NMI: variants seen among roughly 807,000 people sequenced by gnomAD.
NMI encodes the protein N-myc-interactor.
NMI carries 39 observed loss-of-function variants against 34.3 expected under a neutral mutation model. The observed-to-expected ratio is 1.14, with a 90% CI of 0.88 to 1.49. The LOEUF (loss-of-function observed/expected upper bound fraction) is 1.49, where lower values mean the gene tolerates loss of function less well. NMI is among the 40% of genes most tolerant of loss of function. NMI has a pLI of 0.00. For missense variants in NMI, 339 were observed against 358.1 expected (o/e 0.95, Z 0.43); for synonymous variants, 113 against 120.3 (o/e 0.94, Z 0.40).
rs1248713024 is a variant in NMI at position 151,275,781 on chromosome 2, A to G, written c.424T>C (p.Leu142=). The change falls in exon 5 of 8, where the codon TTA becomes CTA. Residue 142 remains leucine, a synonymous_variant. Transcript: ENST00000243346. ...NLEVTAKPVP[L]NSGVRFQVYV... is the part of the protein sequence containing the mutation. ...ACCTGGAATCTGACTCCTGAATTTA[A>G]TGGAACTGGCTTGGCCGTAACCTCC... 1.3e-5 allele frequency: 21 copies of G among 1,613,528 alleles called. No homozygotes were observed. Among genetic ancestry groups the G allele is most frequent in the Non-Finnish European group, 1.7e-5 (20 of 1,179,670 alleles).
At chr2:151,286,806 A>G (rs1481315018) in intron 1 of NMI, among the ~76,000 whole-genome samples, 9 of 152,088 alleles carry the variant, frequency 5.9e-5, no homozygotes, top group Admixed American at 5.9e-4. Flanking sequence ...ACCCCCTATA[A>G]TCATCCACAC....
intron 1 of NMI, among the ~76,000 whole-genome samples, chr2:151,287,664 C>T (rs1573750046): frequency 6.6e-6 from 1 of 152,148 alleles, no homozygotes; most frequent in Non-Finnish European, 1.5e-5. Context: ...TGTTACTCCC[C>T]CTCCTTTATC....
At chr2:151,275,693 G>A in intron 5 of NMI, 23 bp from the exon 6 acceptor site, 4 of 1,612,146 alleles carry the variant, frequency 2.5e-6, no homozygotes, top group Non-Finnish European at 3.4e-6. Flanking sequence ...TTGATGTTCA[G>A]AAATATGGAT....
At chr2:151,287,907 A>G (rs1266611844) in intron 1 of NMI, among the ~76,000 whole-genome samples, 1 of 152,242 alleles carries the variant, frequency 6.6e-6, no homozygotes, top group African/African-American at 2.4e-5. Flanking sequence ...ATTACATTTC[A>G]GAAGACAGAA....
At chr2:151,285,122 A>G (rs1332762060) in intron 1 of NMI, among the ~76,000 whole-genome samples, 1 of 152,210 alleles carries the variant, frequency 6.6e-6, no homozygotes, top group Non-Finnish European at 1.5e-5. Context: ...CACATACAAT[A>G]TGATGGGAGT....
At chr2:151,279,334 AAT>A (rs1683345744) in intron 3 of NMI, among the ~76,000 whole-genome samples, 1 of 152,228 alleles carries the variant, frequency 6.6e-6, no homozygotes, top group African/African-American at 2.4e-5. Context: ...AAGTGCCAAT[AAT>A]AGACTATCTC....
chr2:151,280,866 G>A (rs543973683), intron 3 of NMI, among the ~76,000 whole-genome samples: 21 of 149,622 alleles, frequency 1.4e-4, no homozygotes, highest in East Asian at 9.8e-4. Flanking sequence ...TTTTTTAGGC[G>A]GCGCCTCGCT....
chr2:151,270,873 T>C lies in NMI; in HGVS notation c.744A>G (p.Ile248Met). The change falls in exon 8 of 8, where the codon ATA becomes ATG. Residue 248 changes from isoleucine (I) to methionine (M), a missense_variant and splice_region_variant. Physicochemically the swap from Ile to Met is conservative, Grantham distance 10. Transcript: ENST00000243346. ...YTEIHLKKYQ[I>M]FSGTSKRTVL... ...CTGTCCTCTTAGATGTTCCTGAAAATATCTAAGAAGGAAAAAATGATAAAT... is the reference window on the plus strand; with the variant it reads ...CTGTCCTCTTAGATGTTCCTGAAAACATCTAAGAAGGAAAAAATGATAAAT... 1.9e-6 allele frequency: 3 copies of C among 1,605,866 alleles called. No individual in the cohort carries two copies. The highest frequency in any genetic ancestry group is 2.6e-6 in the Non-Finnish European group (3 of 1,175,678).
intron 3 of NMI, among the ~76,000 whole-genome samples, chr2:151,281,613 C>CT (rs1683406637): frequency 1.3e-5 from 2 of 152,130 alleles, no homozygotes; most frequent in Non-Finnish European, 2.9e-5. Context: ...AAACATCCTG[C>CT]TTTTGCTTAA....
chr2:151,278,901 C>A lies in NMI; in HGVS notation c.267G>T (p.Ser89=), dbSNP rs11551174. The A allele has an allele frequency of 6.2e-7, 1 of 1,612,506 alleles. No homozygotes were observed. The highest frequency in any genetic ancestry group is 1.3e-5 in the African/African-American group (1 of 74,872). The stretch of plus-strand genomic sequence containing the variant: ...AAGGAACTTTCGAGCTCACTTGAAA[C>A]GAACAGGAGATATTTGACAACTGGC... ...NDSQLSNISC[S]FQVSSKVPYE... is the part of the protein sequence containing the mutation. The change falls in exon 4 of 8, where the codon TCG becomes TCT. Residue 89 remains serine, a synonymous_variant. Transcript: ENST00000243346.
Position 151,282,925 on chromosome 2 carries a change from T to C in NMI, c.24A>G (p.Thr8=), listed in dbSNP as rs1446713992. The change falls in exon 2 of 8, where the codon ACA becomes ACG. Residue 8 remains threonine, a synonymous_variant. Transcript: ENST00000243346. ...GCGAATGCTCCTTAAGAATTTGTTG[T>C]GTGTCATCTTTATCAGCTTCCATGA... MEADKDD[T]QQILKEHSPD... 4 of 1,528,606 alleles carry C rather than the reference T, an allele frequency of 2.6e-6. No homozygotes were observed. Among genetic ancestry groups the C allele is most frequent in the Non-Finnish European group, 3.5e-6 (4 of 1,132,386 alleles). 94.7% of individuals were successfully genotyped at this position (1,528,606 alleles called of 1,614,324 possible).
rs192876750 is a variant in NMI at position 151,279,050 on chromosome 2, A to G, written c.178-60T>C. 251 of 1,142,146 alleles carry G rather than the reference A, an allele frequency of 2.2e-4. 3 individuals carry two copies. The African/African-American group carries it at 3.5e-3, about 16-fold the overall frequency. 70.8% of individuals were successfully genotyped at this position (1,142,146 alleles called of 1,614,324 possible). ...ACGAGAAATAACTTAAGTCCTTCCAATGATAATGTAATTTGGTCATCCAAT... is the reference window on the plus strand; with the variant it reads ...ACGAGAAATAACTTAAGTCCTTCCAGTGATAATGTAATTTGGTCATCCAAT... On this transcript the variant is annotated intron_variant, in intron 3 of 7. Coordinates refer to ENST00000243346, the MANE Select transcript of NMI (RefSeq NM_004688.3).
chr2:151,282,214 C>T (rs1683419693), intron 2 of NMI, among the ~76,000 whole-genome samples, 171 bp from the exon 3 acceptor site: 1 of 152,150 alleles, frequency 6.6e-6, no homozygotes. Flanking sequence ...TACATCATCA[C>T]CTGTCTATTC....
chr2:151,281,381 T>G (rs1011672891), intron 3 of NMI, among the ~76,000 whole-genome samples: 1 of 152,236 alleles, frequency 6.6e-6, no homozygotes, highest in African/African-American at 2.4e-5. Context: ...ACCATCTTTT[T>G]TTGGTAAATT....
At chr2:151,285,503 G>T (rs140398191) in intron 1 of NMI, among the ~76,000 whole-genome samples, 1 of 151,194 alleles carries the variant, frequency 6.6e-6, no homozygotes, top group East Asian at 1.9e-4. Context: ...CAGGAGAATC[G>T]CTTGAAGCCG....
chr2:151,282,100 G>T, intron 2 of NMI, 57 bp from the exon 3 acceptor site: 1 of 764,388 alleles, frequency 1.3e-6, no homozygotes, highest in African/African-American at 1.8e-5. Context: ...TCATTTTTCC[G>T]AATGAACTAA....
At chr2:151,276,538 A>G (rs1208965135) in intron 4 of NMI, among the ~76,000 whole-genome samples, 1 of 152,146 alleles carries the variant, frequency 6.6e-6, no homozygotes, top group Non-Finnish European at 1.5e-5. Context: ...TCCACTATTA[A>G]CAATTACCAG....
chr2:151,281,128 G>A (rs564487238), intron 3 of NMI, among the ~76,000 whole-genome samples: 14 of 152,134 alleles, frequency 9.2e-5, no homozygotes, highest in African/African-American at 1.9e-4. Flanking sequence ...ATGAGCCACC[G>A]CGCCCAGCCT....
intron 6 of NMI, among the ~76,000 whole-genome samples, chr2:151,274,318 G>A (rs1473008092): frequency 8.3e-5 from 9 of 108,966 alleles, no homozygotes; most frequent in East Asian, 2.8e-4. Flanking sequence ...ACTCCAGCCC[G>A]GGCGACAGAG....
Sources: gnomAD v4.1 joint callset for allele counts (sites outside exome capture counted in the v4.1 genomes callset) on GRCh38, gnomAD v4.1.1 for gene constraint, MANE v1.5 for transcripts, NCBI Gene and HGNC (gene_info 2026-07-23, HGNC 2026-07-21) for gene names.